Variants in FBN2 observed in about 807,000 individuals in gnomAD.
FBN2 encodes the protein fibrillin 2.
FBN2 carries 105 observed loss-of-function variants against 355.6 expected under a neutral mutation model. That is an observed-to-expected ratio of 0.30 (90% CI 0.25 to 0.35). The LOEUF is 0.35. FBN2 is among the 10% of genes least tolerant of loss of function. The pLI is 1.00. For missense variants in FBN2, 3,280 were observed against 3,758.7 expected (o/e 0.87, Z 3.33); for synonymous variants, 1,350 against 1,301.2 (o/e 1.04, Z -0.81).
Position 128,377,813 on chromosome 5 carries a change from T to A in FBN2, c.1788A>T (p.Gly596=). Residue 596 remains glycine, a synonymous_variant, in exon 13 of 65, where the codon GGA becomes GGT. Coordinates refer to ENST00000262464, the MANE Select transcript of FBN2 (RefSeq NM_001999.4). ...CGGCATTGCAAATGCACTGGAAACT[T>A]CCATCTGTGTTCACGCATCGACCGT... ...CKNGRCVNTD[G]SFQCICNAGF... 1 of 1,613,612 alleles carries A rather than the reference T, an allele frequency of 6.2e-7. No individual in the cohort carries two copies. Among genetic ancestry groups the A allele is most frequent in the Non-Finnish European group, 8.5e-7 (1 of 1,179,616 alleles).
At chr5:128,260,846 T>C (rs1764946836) in intron 64 of FBN2, among the ~76,000 whole-genome samples, 1 of 152,212 alleles carries the variant, frequency 6.6e-6, no homozygotes, top group Non-Finnish European at 1.5e-5. Flanking sequence ...TTAGGTTTTT[T>C]GGTGGGGTAA....
At chr5:128,307,350 C>T (rs2126840840) in intron 41 of FBN2, 147 bp from the exon 42 acceptor site, 1 of 660,800 alleles carries the variant, frequency 1.5e-6, no homozygotes, top group East Asian at 2.7e-5. Context: ...ATAGCAATGC[C>T]AGCTTCTGCT....
chr5:128,365,189 T>G (rs1751734961), intron 17 of FBN2: 1 of 164,802 alleles, frequency 6.1e-6, no homozygotes, highest in African/African-American at 2.4e-5. Flanking sequence ...ATTTAATAAG[T>G]GTTTCTCATT....
intron 62 of FBN2, among the ~76,000 whole-genome samples, chr5:128,269,260 CAATAAT>C (rs574203752): frequency 2.1e-5 from 3 of 143,768 alleles, no homozygotes; most frequent in Non-Finnish European, 4.5e-5. Flanking sequence ...ACTAAAAATA[CAATAAT>C]AATAATAATA....
At chr5:128,499,943 T>A (rs1452509514) in intron 5 of FBN2, among the ~76,000 whole-genome samples, 5 of 152,136 alleles carry the variant, frequency 3.3e-5, no homozygotes, top group Non-Finnish European at 7.4e-5. Flanking sequence ...TTAAGTATGG[T>A]CATGGGAAAC....
intron 6 of FBN2, among the ~76,000 whole-genome samples, chr5:128,458,525 A>T (rs1235835339): frequency 6.6e-6 from 1 of 151,614 alleles, no homozygotes; most frequent in African/African-American, 2.4e-5. Flanking sequence ...AGTGCCACTT[A>T]TTCTAAAATT....
At chr5:128,371,067 G>T (rs895113902) in intron 15 of FBN2, 1 of 152,008 alleles carries the variant, frequency 6.6e-6, no homozygotes, top group Non-Finnish European at 1.5e-5. Flanking sequence ...AAAAAATGGT[G>T]ACCACCTTAT....
intron 15 of FBN2, among the ~76,000 whole-genome samples, chr5:128,372,907 A>C (rs940761734): frequency 1.3e-5 from 2 of 152,178 alleles, no homozygotes; most frequent in African/African-American, 4.8e-5. Flanking sequence ...GATTACAGGC[A>C]TGAGCCACTG....
intron 39 of FBN2, 44 bp from the exon 40 acceptor site, chr5:128,310,152 T>TC (rs1749994042): frequency 6.7e-7 from 1 of 1,503,064 alleles, no homozygotes; most frequent in Admixed American, 1.7e-5. Flanking sequence ...ATCTATTTTT[T>TC]CAATGAATTT....
chr5:128,316,827 C>T (rs1215889288), intron 36 of FBN2, among the ~76,000 whole-genome samples: 1 of 152,078 alleles, frequency 6.6e-6, no homozygotes, highest in Non-Finnish European at 1.5e-5. Context: ...CTGTTCACAG[C>T]CTTTGTTCCA....
intron 7 of FBN2, among the ~76,000 whole-genome samples, chr5:128,436,678 A>AG (rs973216694): frequency 2.0e-5 from 3 of 151,436 alleles, no homozygotes; most frequent in Non-Finnish European, 4.4e-5. Flanking sequence ...AAAAAAAAAA[A>AG]AAAGAAAAAA....
At chr5:128,329,807 G>A (rs1446357562) in intron 33 of FBN2, among the ~76,000 whole-genome samples, 2 of 152,206 alleles carry the variant, frequency 1.3e-5, no homozygotes, top group Non-Finnish European at 2.9e-5. Flanking sequence ...TTTAAAGTGT[G>A]TACTGAAAAT....
intron 48 of FBN2, among the ~76,000 whole-genome samples, chr5:128,297,934 A>T (rs1157150380): frequency 2.0e-5 from 3 of 150,974 alleles, no homozygotes; most frequent in Non-Finnish European, 4.4e-5. Flanking sequence ...CCTAGTCTCG[A>T]TGGTCTTTAC....
intron 6 of FBN2, among the ~76,000 whole-genome samples, chr5:128,456,003 A>ACAAAAAAATAAAAAC: frequency 7.1e-6 from 1 of 141,702 alleles, no homozygotes; most frequent in South Asian, 2.4e-4. Context: ...AAAAAAAAAA[A>ACAAAAAAATAAAAAC]AAAAAAAAAA....
chr5:128,293,834 A>T (rs924326738), intron 48 of FBN2, among the ~76,000 whole-genome samples: 3 of 150,070 alleles, frequency 2.0e-5, no homozygotes, highest in African/African-American at 7.6e-5. Flanking sequence ...TCTTTTTTTT[A>T]ATTAATTAAT....
rs1182771803 is a variant in FBN2, at chr5:128,376,648, C to G, written c.1972+83G>C. ...ATAATATGAAAGCCACATGGGGAAGCTGAAGTAATTCTTCCATGGTTCATT... is the reference window on the plus strand; with the variant it reads ...ATAATATGAAAGCCACATGGGGAAGGTGAAGTAATTCTTCCATGGTTCATT... On this transcript the variant is annotated intron_variant, in intron 14 of 64. Coordinates refer to ENST00000262464, the MANE Select transcript of FBN2 (RefSeq NM_001999.4). The G allele has an allele frequency of 2.0e-6, 3 of 1,494,112 alleles. No individual in the cohort carries two copies. The East Asian group carries it at 6.8e-5, about 34-fold the overall frequency. The allele number at this position is 1,494,112 out of a possible 1,614,324, so 92.6% of individuals were successfully genotyped here. A position where few individuals can be genotyped will look rare whatever the true frequency, so the allele number is the denominator to read the frequency against.
rs1168426536 is a variant in FBN2 at position 128,434,424 on chromosome 5, A to ATATATATATATATG, written c.952+12056_952+12057insCATATATATATATA. ...TATATATATATATATATATATATAT[A>ATATATATATATATG]TGGGCAGTAAGTGACAGCACTGGCG... On this transcript the variant is annotated intron_variant, in intron 7 of 64. Transcript: ENST00000262464. Among the ~76,000 whole-genome samples the ATATATATATATATG allele has an allele frequency of 7.7e-4, 100 of 130,480 alleles. 4 individuals are homozygous for ATATATATATATATG. The highest frequency in any genetic ancestry group is 1.5e-3 in the African/African-American group (48 of 31,176). The allele number at this position is 130,480 out of a possible 152,430, so 85.6% of individuals were successfully genotyped here.
At chr5:128,326,010 T>C (rs980630503) in intron 34 of FBN2, among the ~76,000 whole-genome samples, 2 of 152,142 alleles carry the variant, frequency 1.3e-5, no homozygotes, top group Admixed American at 1.3e-4. Context: ...TATGGAAAAT[T>C]TGTTTTATTT....
intron 4 of FBN2, among the ~76,000 whole-genome samples, chr5:128,526,725 G>A (rs1370951009): frequency 1.3e-5 from 2 of 152,082 alleles, no homozygotes; most frequent in African/African-American, 4.8e-5. Flanking sequence ...CCCGGGGCAG[G>A]GGAGAGGGAA....
Sources: gnomAD v4.1 joint callset for allele counts (sites outside exome capture counted in the v4.1 genomes callset) on GRCh38, gnomAD v4.1.1 for gene constraint, MANE v1.5 for transcripts, NCBI Gene and HGNC (gene_info 2026-07-23, HGNC 2026-07-21) for gene names.